PLEKHM3: variants seen among roughly 807,000 people sequenced by gnomAD.
PLEKHM3 encodes pleckstrin homology domain-containing family M member 3.
In PLEKHM3, 45 loss-of-function variants were observed where a neutral mutation model predicts 81.8. The observed-to-expected ratio is 0.55, with a 90% CI of 0.43 to 0.71. The LOEUF is 0.71. PLEKHM3 is among the 30% of genes least tolerant of loss of function. The pLI, the probability that PLEKHM3 is intolerant of heterozygous loss-of-function variation, is 0.00. For synonymous variants in PLEKHM3, 352 were observed against 356.4 expected (o/e 0.99, Z 0.14); for missense variants, 788 against 924.3 (o/e 0.85, Z 1.91).
chr2:207,913,959 G>A (rs957511930), intron 5 of PLEKHM3, among the ~76,000 whole-genome samples: 16 of 151,966 alleles, frequency 1.1e-4, no homozygotes, highest in Middle Eastern at 3.4e-3. Flanking sequence ...TCCCCTGACC[G>A]CGCGTGTGCG....
intron 5 of PLEKHM3, among the ~76,000 whole-genome samples, chr2:207,918,560 A>C (rs2105917072): frequency 6.6e-6 from 1 of 151,440 alleles, no homozygotes; most frequent in South Asian, 2.1e-4. Flanking sequence ...ACAAACAAAC[A>C]AACAAACAAA....
chr2:207,956,787 G>C (rs1438228364), intron 3 of PLEKHM3, among the ~76,000 whole-genome samples: 1 of 138,580 alleles, frequency 7.2e-6, no homozygotes, highest in Non-Finnish European at 1.5e-5. Context: ...CAAGGCTGGT[G>C]TTGAACTCCT....
At chr2:207,962,610 G>A (rs1051921356) in intron 3 of PLEKHM3, among the ~76,000 whole-genome samples, 4 of 152,214 alleles carry the variant, frequency 2.6e-5, no homozygotes, top group African/African-American at 9.6e-5. Flanking sequence ...GGAACCCCCT[G>A]AACTTGCACT....
At chr2:207,982,562 G>A (rs1314188363) in intron 2 of PLEKHM3, among the ~76,000 whole-genome samples, 1 of 149,122 alleles carries the variant, frequency 6.7e-6, no homozygotes, top group Non-Finnish European at 1.5e-5. Context: ...GAGCCACTGT[G>A]TCCAGCATTG....
intron 3 of PLEKHM3, among the ~76,000 whole-genome samples, chr2:207,951,320 T>C (rs1690320586): frequency 6.6e-6 from 1 of 152,206 alleles, no homozygotes; most frequent in South Asian, 2.1e-4. Context: ...TTGAAATAAC[T>C]AATTAGGGCT....
chr2:208,015,892 G>T (rs1343237787), intron 1 of PLEKHM3, among the ~76,000 whole-genome samples: 1 of 152,104 alleles, frequency 6.6e-6, no homozygotes. Flanking sequence ...GATGATTAAG[G>T]CATATTGAAA....
intron 6 of PLEKHM3, among the ~76,000 whole-genome samples, chr2:207,876,148 G>A (rs563750461): frequency 6.6e-6 from 1 of 152,304 alleles, no homozygotes; most frequent in African/African-American, 2.4e-5. Flanking sequence ...GGAGAAAAGG[G>A]CTGACTTGAA....
rs540698624 is a variant in PLEKHM3, at chr2:207,988,757, G to A, written c.611-11171C>T. ...CCTTCAGATTCCATGTGCTTACAAC[G>A]CCTCTTCTTCCTGGTCCACATGACC... On this transcript the variant is annotated intron_variant, in intron 2 of 7. Transcript: ENST00000427836. Among the ~76,000 whole-genome samples, 81 of 152,204 alleles carry A rather than the reference G, an allele frequency of 5.3e-4. No individual in the cohort carries two copies. In the South Asian group the frequency reaches 5.6e-3, roughly 11 times the overall value.
chr2:207,897,768 G>A (rs1688272416), intron 6 of PLEKHM3, among the ~76,000 whole-genome samples: 1 of 152,172 alleles, frequency 6.6e-6, no homozygotes. Context: ...GCTCCTGACA[G>A]CCATCTTAAT....
intron 1 of PLEKHM3, among the ~76,000 whole-genome samples, chr2:208,020,109 C>T (rs546943526): frequency 5.9e-5 from 9 of 152,314 alleles, no homozygotes; most frequent in South Asian, 2.1e-4. Flanking sequence ...ACCTACAGAA[C>T]ACAAGGTGAA....
chr2:207,833,043 C>G (rs2092297140), intron 7 of PLEKHM3, among the ~76,000 whole-genome samples: 1 of 140,454 alleles, frequency 7.1e-6, no homozygotes, highest in Admixed American at 8.0e-5. Context: ...ACCCAGGAGA[C>G]AGAGGCTGCA....
At chr2:207,882,040 T>C (rs1026647267) in intron 6 of PLEKHM3, among the ~76,000 whole-genome samples, 3 of 152,196 alleles carry the variant, frequency 2.0e-5, no homozygotes, top group Non-Finnish European at 4.4e-5. Context: ...CACAGTTCTA[T>C]GATTAAATCA....
intron 1 of PLEKHM3, among the ~76,000 whole-genome samples, chr2:208,014,788 AG>A (rs1327940549): frequency 1.3e-5 from 2 of 152,216 alleles, no homozygotes; most frequent in African/African-American, 4.8e-5. Context: ...AACATTCTGG[AG>A]TTGAATTCTG....
At position 207,912,311 on chromosome 2, in the gene PLEKHM3, T is replaced by C. The variant is rs2105907044; in HGVS notation, c.1887-3734A>G. Among the ~76,000 whole-genome samples, 2 of 152,366 alleles carry C rather than the reference T, an allele frequency of 1.3e-5. 1 individual carries two copies. Among genetic ancestry groups the C allele is most frequent in the South Asian group, 4.1e-4 (2 of 4,832 alleles). On this transcript the variant is annotated intron_variant, in intron 5 of 7. Transcript: ENST00000427836. ...TATTTAATGTTTCTATGTGTATATA[T>C]ATTTCACATATGTTTATTTTCTCTC...
intron 1 of PLEKHM3, among the ~76,000 whole-genome samples, chr2:208,015,274 A>G (rs1692865894): frequency 6.6e-6 from 1 of 152,204 alleles, no homozygotes; most frequent in South Asian, 2.1e-4. Flanking sequence ...ACACAGCCCC[A>G]TAAGACAATT....
At chr2:207,855,511 C>A (rs2092433209) in intron 7 of PLEKHM3, among the ~76,000 whole-genome samples, 1 of 152,202 alleles carries the variant, frequency 6.6e-6, no homozygotes, top group African/African-American at 2.4e-5. Flanking sequence ...TAGCTCCCCA[C>A]TCCTTAAGTG....
In PLEKHM3 at chr2:208,004,434, G is replaced by A. The variant is rs1051426257; in HGVS notation, c.-318-2477C>T. On this transcript the variant is annotated intron_variant, in intron 1 of 7. Transcript: ENST00000427836. ...CCCTGTCTCAAAAAAAAAAAAAAAT[G>A]TATATCACCATTGTTGGCCATGCTG... Among the ~76,000 whole-genome samples, 7 of 149,792 alleles carry A rather than the reference G, an allele frequency of 4.7e-5. No homozygotes were observed. In the East Asian group the frequency reaches 1.4e-3, roughly 29 times the overall value.
intron 1 of PLEKHM3, among the ~76,000 whole-genome samples, chr2:208,019,337 G>A (rs1693043490): frequency 6.6e-6 from 1 of 151,990 alleles, no homozygotes; most frequent in Non-Finnish European, 1.5e-5. Context: ...TTTTCCACTT[G>A]CTTTCTCACC....
At chr2:207,947,444 A>G (rs1690172515) in intron 3 of PLEKHM3, among the ~76,000 whole-genome samples, 1 of 152,228 alleles carries the variant, frequency 6.6e-6, no homozygotes, top group Non-Finnish European at 1.5e-5. Flanking sequence ...CGTTTTCTTT[A>G]GATAGGAAGA....
Sources: gnomAD v4.1 joint callset for allele counts (sites outside exome capture counted in the v4.1 genomes callset) on GRCh38, gnomAD v4.1.1 for gene constraint, MANE v1.5 for transcripts, NCBI Gene and HGNC (gene_info 2026-07-23, HGNC 2026-07-21) for gene names.